ADAM23: variants seen among roughly 807,000 people sequenced by gnomAD.
The protein encoded by ADAM23 is ADAM metallopeptidase domain 23.
In ADAM23, 33 loss-of-function variants were observed where a neutral mutation model predicts 120.1. The ratio of observed to expected loss-of-function variants is 0.27; its 90% CI spans 0.21 to 0.37. ADAM23 has a LOEUF of 0.37. ADAM23 is among the 10% of genes least tolerant of loss of function. ADAM23 has a pLI of 1.00. For missense variants in ADAM23, 862 were observed against 1,058.2 expected, an observed-to-expected ratio of 0.81 and a Z score of 2.57; for synonymous variants, 367 against 375.2, an observed-to-expected ratio of 0.98 and a Z score of 0.25.
intron 24 of ADAM23, among the ~76,000 whole-genome samples, chr2:206,600,945 T>G (rs966558673): frequency 6.6e-6 from 1 of 152,214 alleles, no homozygotes; most frequent in Non-Finnish European, 1.5e-5. Context: ...ATTTTTAATT[T>G]TTTATATTTT....
intron 3 of ADAM23, among the ~76,000 whole-genome samples, chr2:206,526,748 A>G (rs1696954861): frequency 1.3e-5 from 2 of 152,240 alleles, no homozygotes; most frequent in Admixed American, 1.3e-4. Flanking sequence ...TGGTGGACAC[A>G]CAGCATTATT....
At chr2:206,450,709 T>A (rs1695175471) in intron 2 of ADAM23, among the ~76,000 whole-genome samples, 1 of 152,210 alleles carries the variant, frequency 6.6e-6, no homozygotes, top group South Asian at 2.1e-4. Context: ...CCATCATTAA[T>A]GTGATTGTGA....
chr2:206,477,921 T>TATATATATAA (rs1695816932), intron 2 of ADAM23, among the ~76,000 whole-genome samples: 10 of 136,564 alleles, frequency 7.3e-5, no homozygotes, highest in Middle Eastern at 6.8e-3. Flanking sequence ...TATATATATA[T>TATATATATAA]AAAACAACAA....
intron 21 of ADAM23, 74 bp from the exon 22 acceptor site, chr2:206,592,543 T>G: frequency 1.9e-6 from 3 of 1,546,956 alleles, no homozygotes; most frequent in Non-Finnish European, 2.6e-6. Context: ...TGAATCAATG[T>G]GGACCGAATC....
intron 2 of ADAM23, among the ~76,000 whole-genome samples, chr2:206,447,226 T>C (rs1253754912): frequency 1.3e-5 from 2 of 152,256 alleles, no homozygotes. Context: ...TTGTTAAACC[T>C]GTACCCACCG....
At chr2:206,569,304 A>G (rs986947549) in intron 15 of ADAM23, among the ~76,000 whole-genome samples, 4 of 152,236 alleles carry the variant, frequency 2.6e-5, no homozygotes, top group African/African-American at 9.6e-5. Flanking sequence ...ATGAAATAAA[A>G]ATAACTATAA....
At chr2:206,562,949 G>A (rs1013475) in intron 13 of ADAM23, among the ~76,000 whole-genome samples, 125,304 of 152,170 alleles carry the variant, frequency 0.82, 52,056 homozygotes, top group African/African-American at 0.94. Flanking sequence ...AGGTAGATAG[G>A]AAGACAGGGC....
intron 12 of ADAM23, 60 bp downstream of exon 12, chr2:206,561,272 A>C: frequency 7.2e-7 from 1 of 1,389,408 alleles, no homozygotes; most frequent in South Asian, 1.2e-5. Context: ...CCTATGGCCC[A>C]GTTTACATCC....
intron 3 of ADAM23, among the ~76,000 whole-genome samples, chr2:206,486,779 A>G (rs192619112): frequency 5.9e-5 from 9 of 152,164 alleles, no homozygotes; most frequent in African/African-American, 2.2e-4. Flanking sequence ...TTTACCATTC[A>G]GTGTTTTAAA....
chr2:206,509,058 A>T (rs528091077), intron 3 of ADAM23, among the ~76,000 whole-genome samples: 1 of 152,370 alleles, frequency 6.6e-6, no homozygotes, highest in Non-Finnish European at 1.5e-5. Flanking sequence ...ATATGAAAAG[A>T]AGATAGCAAT....
chr2:206,507,805 T>C (rs1340910024), intron 3 of ADAM23, among the ~76,000 whole-genome samples: 4 of 152,326 alleles, frequency 2.6e-5, no homozygotes, highest in South Asian at 4.1e-4. Context: ...TTTATAGGTG[T>C]CTTTAAGCTT....
intron 3 of ADAM23, among the ~76,000 whole-genome samples, chr2:206,502,949 C>T (rs1260682992): frequency 6.6e-6 from 1 of 152,116 alleles, no homozygotes; most frequent in African/African-American, 2.4e-5. Flanking sequence ...TGTAGATTCC[C>T]CGTGGCTCTC....
intron 18 of ADAM23, among the ~76,000 whole-genome samples, chr2:206,577,346 T>A (rs1698134328): frequency 6.7e-6 from 1 of 148,156 alleles, no homozygotes; most frequent in African/African-American, 2.5e-5. Flanking sequence ...TGTGCCATGC[T>A]GGTGCGCTGC....
intron 18 of ADAM23, among the ~76,000 whole-genome samples, chr2:206,583,711 T>G (rs1226126821): frequency 6.6e-6 from 1 of 152,170 alleles, no homozygotes; most frequent in East Asian, 1.9e-4. Context: ...TCCTGAATTT[T>G]TGATCGTTTT....
chr2:206,545,066 A>G (rs577712387), intron 6 of ADAM23, among the ~76,000 whole-genome samples: 2 of 152,340 alleles, frequency 1.3e-5, no homozygotes, highest in South Asian at 2.1e-4. Flanking sequence ...GAGAGGTAAC[A>G]GTACAGAAGT....
In ADAM23 at chr2:206,443,832, C is replaced by A. The variant is rs1695012408; in HGVS notation, c.-35C>A. ...CCCGCAGCTAGCCCGGCGCTCTCGCCGGCCACACGGAGCGGCGCCCGGGAG... is the reference window on the plus strand; with the variant it reads ...CCCGCAGCTAGCCCGGCGCTCTCGCAGGCCACACGGAGCGGCGCCCGGGAG... On this transcript the variant is annotated 5_prime_UTR_variant, in exon 1 of 26. Transcript: ENST00000264377. 2 of 1,072,276 alleles carry A rather than the reference C, an allele frequency of 1.9e-6. No individual in the cohort carries two copies. Among genetic ancestry groups the A allele is most frequent in the Non-Finnish European group, 1.1e-6 (1 of 886,656 alleles). The allele number at this position is 1,072,276 out of a possible 1,614,324, so 66.4% of individuals were successfully genotyped here. A position where few individuals can be genotyped will look rare whatever the true frequency, so the allele number is the denominator to read the frequency against.
rs767729865 is a variant in ADAM23, at chr2:206,535,589, A to G, written c.573+4641A>G. On this transcript the variant is annotated intron_variant, in intron 4 of 25. Transcript: ENST00000264377. ...CAATTGTTGAAGGAATAAGGGAAAT[A>G]TGGCATATCCACATAGTGGAATTAC... Among the ~76,000 whole-genome samples, 31 of 152,252 alleles carry G rather than the reference A, an allele frequency of 2.0e-4. 1 individual carries two copies. Among genetic ancestry groups the G allele is most frequent in the Non-Finnish European group, 3.2e-4 (22 of 68,048 alleles).
chr2:206,601,680 G>A (rs1243683878), intron 24 of ADAM23, among the ~76,000 whole-genome samples: 1 of 151,750 alleles, frequency 6.6e-6, no homozygotes, highest in Non-Finnish European at 1.5e-5. Flanking sequence ...AGGCTGAAGT[G>A]GGAGGATCAC....
Position 206,472,335 on chromosome 2 carries a change from C to T in ADAM23, c.433-8897C>T, listed in dbSNP as rs545663812. 3.9e-5 allele frequency among the ~76,000 whole-genome samples: 6 copies of T among 152,072 alleles called. No homozygotes were observed. In the South Asian group the frequency reaches 8.3e-4, roughly 21 times the overall value. ...CATATTTAAGAGTACTTCGGCTGGG[C>T]GAAGTGGCTCATGCCTGTAATCCCA... On this transcript the variant is annotated intron_variant, in intron 2 of 25. Coordinates refer to ENST00000264377, the MANE Select transcript of ADAM23 (RefSeq NM_003812.4).
Sources: gnomAD v4.1 joint callset for allele counts (sites outside exome capture counted in the v4.1 genomes callset) on GRCh38, gnomAD v4.1.1 for gene constraint, MANE v1.5 for transcripts, NCBI Gene and HGNC (gene_info 2026-07-23, HGNC 2026-07-21) for gene names.